The following VNN2 variants were observed in gnomAD, a reference collection of about 807,000 sequenced individuals.
VNN2 encodes the protein pantetheine hydrolase VNN2.
In VNN2, 43 loss-of-function variants were observed where a neutral mutation model predicts 43.0. The ratio of observed to expected loss-of-function variants is 1.00; its 90% CI spans 0.78 to 1.29. The LOEUF (loss-of-function observed/expected upper bound fraction) is 1.29, where lower values mean the gene tolerates loss of function less well. Among genes scored for constraint, VNN2 ranks in the 50% most tolerant of loss-of-function variants. The pLI, the probability that VNN2 is intolerant of heterozygous loss-of-function variation, is 0.00. For missense variants in VNN2, 652 were observed against 619.7 expected, an observed-to-expected ratio of 1.05 and a Z score of -0.55; for synonymous variants, 230 against 224.3, an observed-to-expected ratio of 1.03 and a Z score of -0.23.
chr6:132,744,249 A>C lies in VNN2; in HGVS notation c.*51T>G. 1 of 1,539,484 alleles carries C rather than the reference A, an allele frequency of 6.5e-7. No individual in the cohort carries two copies. The highest frequency in any genetic ancestry group is 8.8e-7 in the Non-Finnish European group (1 of 1,142,118). ...TCTTAGTAAACTTGGGAAGCCGATA[A>C]ACACATTCAGCCAAGCATATGATGC... is the stretch of plus-strand genomic sequence containing the variant. On this transcript the variant is annotated 3_prime_UTR_variant, in exon 7 of 7. Transcript: ENST00000326499.
rs1272907721 is a variant in VNN2 at position 132,752,703 on chromosome 6, T to C, written c.584A>G (p.Glu195Gly). Residue 195 changes from glutamate (E) to glycine (G), a missense_variant, in exon 4 of 7, where the codon GAG becomes GGG. Transcript: ENST00000326499. ...EPQFNVPEKPELVTFNTAFGR... is the reference protein window; with the variant it reads ...EPQFNVPEKPGLVTFNTAFGR... ...AAATGCGGTGTTGAAAGTCACCAAC[T>C]CCGGCTTTTCAGGGACATTAAACTG... 3 of 1,614,146 alleles carry C rather than the reference T, an allele frequency of 1.9e-6. No individual in the cohort carries two copies. The highest frequency in any genetic ancestry group is 2.5e-6 in the Non-Finnish European group (3 of 1,180,012).
upstream of VNN2, among the ~76,000 whole-genome samples, chr6:132,762,111 G>A (rs987440500): frequency 1.3e-5 from 2 of 152,182 alleles, no homozygotes; most frequent in Non-Finnish European, 2.9e-5. Flanking sequence ...GGTTGACAGG[G>A]TACCTGGGCA....
intron 3 of VNN2, chr6:132,753,557 T>A: frequency 2.3e-6 from 1 of 436,334 alleles, no homozygotes; most frequent in Non-Finnish European, 4.5e-6. Context: ...AAAAAAAAAC[T>A]TAGTCTAATA....
chr6:132,744,554 T>A (rs1193049113), intron 6 of VNN2, 63 bp from the exon 7 acceptor site: 2 of 1,472,858 alleles, frequency 1.4e-6, no homozygotes, highest in Non-Finnish European at 1.8e-6. Flanking sequence ...AGCAAATTAA[T>A]CATTTTGAAA....
rs1582826407 is a variant in VNN2 at position 132,752,443 on chromosome 6, A to C, written c.826+18T>G. On this transcript the variant is annotated intron_variant, in intron 4 of 6. Coordinates refer to ENST00000326499, the MANE Select transcript of VNN2 (RefSeq NM_004665.6). The stretch of plus-strand genomic sequence containing the variant: ...CACTTAAAAATATAAGATGAAACCT[A>C]ACCTGGTCATGAATTACCTGTCATA... The C allele has an allele frequency of 3.1e-6, 5 of 1,603,246 alleles. No individual in the cohort carries two copies. In the South Asian group the frequency reaches 4.5e-5, roughly 14 times the overall value.
chr6:132,751,489 T>G lies in VNN2; in HGVS notation c.856A>C (p.Lys286Gln), dbSNP rs751202448. The change falls in exon 5 of 7, where the codon AAA (lysine) becomes CAA (glutamine). Residue 286 changes from lysine (K) to glutamine (Q), a missense_variant. Physicochemically the swap from Lys to Gln is moderately conservative, Grantham distance 53. Coordinates refer to ENST00000326499, the MANE Select transcript of VNN2 (RefSeq NM_004665.6). ...GSGIYAPNGP[K>Q]VYHYDMKTEL... ...GTCTTCATGTCATAATGATACACTTTGGGACCATTTGGTGCATAAATACCA... is the reference window on the plus strand; with the variant it reads ...GTCTTCATGTCATAATGATACACTTGGGGACCATTTGGTGCATAAATACCA... The G allele has an allele frequency of 3.0e-4, 478 of 1,612,126 alleles. 1 individual carries two copies. Among genetic ancestry groups the G allele is most frequent in the Non-Finnish European group, 3.7e-4 (435 of 1,178,818 alleles).
intron 3 of VNN2, chr6:132,754,049 G>A (rs1260804579): frequency 6.6e-6 from 1 of 151,374 alleles, no homozygotes; most frequent in East Asian, 1.9e-4. Flanking sequence ...AACGGTCCCT[G>A]AGGTACCCTC....
chr6:132,745,509 C>T (rs1012416377), intron 6 of VNN2, among the ~76,000 whole-genome samples: 1 of 152,248 alleles, frequency 6.6e-6, no homozygotes, highest in African/African-American at 2.4e-5. Context: ...AGCTATCAAA[C>T]TCTGCCAACA....
At chr6:132,755,366 T>C (rs1013805485) in intron 3 of VNN2, among the ~76,000 whole-genome samples, 1 of 143,768 alleles carries the variant, frequency 7.0e-6, no homozygotes, top group African/African-American at 2.7e-5. Context: ...ATTTTCTTTT[T>C]TCTTTTTCTT....
Position 132,749,785 on chromosome 6 carries a change from T to G in VNN2, c.1281A>C (p.Glu427Asp). ...CAAATGTGCCACTGAGGGAGAACAT[T>G]TCAAATCTTGTAGAAGCAGTTTCTA... ...RPVETASTRF[E>D]MFSLSGTFGT... The change falls in exon 6 of 7, where the codon GAA (glutamate) becomes GAC (aspartate). Residue 427 changes from glutamate to aspartate, a missense_variant. Transcript: ENST00000326499. 1 of 1,614,116 alleles carries G rather than the reference T, an allele frequency of 6.2e-7. No homozygotes were observed. The highest frequency in any genetic ancestry group is 1.7e-5 in the Admixed American group (1 of 59,998).
At chr6:132,749,105 A>G (rs926883488) in intron 6 of VNN2, among the ~76,000 whole-genome samples, 2 of 152,206 alleles carry the variant, frequency 1.3e-5, no homozygotes, top group African/African-American at 4.8e-5. Flanking sequence ...ATTAGTTGTT[A>G]TAAATTGAAA....
At chr6:132,748,775 TGAACAAATGCTGG>T (rs1191714275) in intron 6 of VNN2, among the ~76,000 whole-genome samples, 2 of 152,238 alleles carry the variant, frequency 1.3e-5, no homozygotes, top group Non-Finnish European at 2.9e-5. Flanking sequence ...CTGTAATTTA[TGAACAAATGCTGG>T]GTGCAGTGGC....
At chr6:132,750,688 A>T (rs542753349) in intron 5 of VNN2, among the ~76,000 whole-genome samples, 30 of 149,802 alleles carry the variant, frequency 2.0e-4, no homozygotes, top group African/African-American at 7.1e-4. Flanking sequence ...AAAAGAAAAG[A>T]AAAGAAAAAG....
chr6:132,746,954 C>T (rs35042315), intron 6 of VNN2, among the ~76,000 whole-genome samples: 1 of 152,264 alleles, frequency 6.6e-6, no homozygotes, highest in African/African-American at 2.4e-5. Flanking sequence ...TCATGATGCT[C>T]CCTCCAAGGG....
intron 6 of VNN2, among the ~76,000 whole-genome samples, chr6:132,746,567 G>T (rs560042188): frequency 2.0e-5 from 3 of 152,198 alleles, no homozygotes; most frequent in African/African-American, 7.2e-5. Context: ...TCTTTTTGAG[G>T]AAAGTGGGCA....
chr6:132,759,208 A>G (rs568203800), upstream of VNN2, among the ~76,000 whole-genome samples: 86 of 152,132 alleles, frequency 5.7e-4, no homozygotes, highest in South Asian at 3.1e-3. Context: ...AGGCCGAGGC[A>G]GGCAGATCAC....
Position 132,744,297 on chromosome 6 carries a change from GC to G in VNN2, c.*2del, listed in dbSNP as rs937173084. The G allele has an allele frequency of 5.0e-6, 8 of 1,599,438 alleles. No individual in the cohort carries two copies. Among genetic ancestry groups the G allele is most frequent in the Non-Finnish European group, 6.0e-6 (7 of 1,175,242 alleles). ...TGCAGAAGCTGAGTGATAAAGAGAC[GC>G]CCTATAACATTACAATATTTTGCAA... is the stretch of plus-strand genomic sequence containing the variant. On this transcript the variant is annotated 3_prime_UTR_variant, in exon 7 of 7. Coordinates refer to ENST00000326499, the MANE Select transcript of VNN2 (RefSeq NM_004665.6).
chr6:132,752,077 C>G (rs1780142952), intron 4 of VNN2, among the ~76,000 whole-genome samples: 2 of 152,118 alleles, frequency 1.3e-5, no homozygotes. Context: ...AGACAGCAGC[C>G]ATGTCACGAG....
In VNN2 at chr6:132,748,099, A is replaced by G. The variant is rs369081092; in HGVS notation, c.1371+1596T>C. 1.5e-4 allele frequency among the ~76,000 whole-genome samples: 23 copies of G among 152,372 alleles called. 1 individual carries two copies. Among genetic ancestry groups the G allele is most frequent in the Admixed American group, 7.8e-4 (12 of 15,302 alleles). On this transcript the variant is annotated intron_variant, in intron 6 of 6. Coordinates refer to ENST00000326499, the MANE Select transcript of VNN2 (RefSeq NM_004665.6). Reference sequence around the variant, plus strand: ...GTTTAAATCTTCAGGCTTACAGAATATAATGCATCAATATGGCTAGACCCT... The same window carrying G: ...GTTTAAATCTTCAGGCTTACAGAATGTAATGCATCAATATGGCTAGACCCT...
Sources: allele counts gnomAD v4.1 joint callset (sites outside exome capture counted in the v4.1 genomes callset), GRCh38; gene constraint gnomAD v4.1.1; transcripts MANE v1.5; gene names NCBI Gene and HGNC (gene_info 2026-07-23, HGNC 2026-07-21).